The following CYRIB variants were observed in gnomAD, a reference collection of about 807,000 sequenced individuals.
CYRIB encodes CYFIP related Rac1 interactor B.
A neutral mutation model predicts 44.2 loss-of-function variants in CYRIB; 8 were observed. The ratio of observed to expected loss-of-function variants is 0.18; its 90% CI spans 0.11 to 0.33. The LOEUF is 0.33. CYRIB is among the 10% of genes least tolerant of loss of function. CYRIB has a pLI of 1.00. For missense variants in CYRIB, 185 were observed against 382.8 expected (o/e 0.48, Z 4.31); for synonymous variants, 131 against 127.2 (o/e 1.03, Z -0.20).
chr8:129,946,685 C>T (rs1402388286), intron 2 of CYRIB, among the ~76,000 whole-genome samples: 1 of 152,194 alleles, frequency 6.6e-6, no homozygotes, highest in Non-Finnish European at 1.5e-5. Flanking sequence ...TAAAGCTGTC[C>T]TTAGAGCCAT....
At chr8:129,895,376 ATATCT>A (rs1454850760) in intron 2 of CYRIB, among the ~76,000 whole-genome samples, 1 of 137,162 alleles carries the variant, frequency 7.3e-6, no homozygotes, top group African/African-American at 2.6e-5. Context: ...AGGATCTAAC[ATATCT>A]TAACTTTGTT....
intron 1 of CYRIB, among the ~76,000 whole-genome samples, chr8:129,918,801 T>C (rs949365855): frequency 1.3e-5 from 2 of 152,152 alleles, no homozygotes; most frequent in Admixed American, 1.3e-4. Flanking sequence ...ATAAGTACAT[T>C]AGAATAAATG....
In CYRIB at chr8:129,874,307, T is replaced by C. The variant is rs139223886; in HGVS notation, c.74-2811A>G. Among the ~76,000 whole-genome samples, 70 of 152,200 alleles carry C rather than the reference T, an allele frequency of 4.6e-4. No homozygotes were observed. The South Asian group carries it at 0.01, about 22-fold the overall frequency. ...TTAAGGCATGTTTCAATTGTTCTTA[T>C]TGAAGGTAAATTAAAAATTTTATTA... On this transcript the variant is annotated intron_variant, in intron 3 of 11. Coordinates refer to ENST00000519824, the Ensembl canonical transcript of CYRIB.
At chr8:129,841,962 T>C (rs1167289519) in exon 12 of CYRIB, 3 of 578,448 alleles carry the variant, frequency 5.2e-6, no homozygotes, top group East Asian at 5.6e-5. Context: ...AGTGTAACTT[T>C]ACTGATTTTG....
chr8:129,881,922 C>T (rs972103152), intron 2 of CYRIB, among the ~76,000 whole-genome samples: 1 of 152,038 alleles, frequency 6.6e-6, no homozygotes, highest in Non-Finnish European at 1.5e-5. Context: ...ATCATCACAC[C>T]CAAATAATTA....
At chr8:129,884,954 G>C (rs1395981700) in intron 2 of CYRIB, among the ~76,000 whole-genome samples, 1 of 152,212 alleles carries the variant, frequency 6.6e-6, no homozygotes, top group Non-Finnish European at 1.5e-5. Context: ...TCTGTGGAAT[G>C]TATTTTTAAG....
intron 1 of CYRIB, among the ~76,000 whole-genome samples, chr8:129,939,140 G>A (rs951232004): frequency 6.6e-6 from 1 of 152,134 alleles, no homozygotes; most frequent in African/African-American, 2.4e-5. Context: ...GGCGAGGCGA[G>A]GCGAAGCCCG....
intron 5 of CYRIB, among the ~76,000 whole-genome samples, chr8:129,860,075 A>C (rs1480403396): frequency 6.6e-6 from 1 of 152,212 alleles, no homozygotes; most frequent in Non-Finnish European, 1.5e-5. Flanking sequence ...CAGGCCAAGA[A>C]ACCTTCTCCT....
At chr8:129,991,960 A>C (rs919400894) in intron 1 of CYRIB, among the ~76,000 whole-genome samples, 1 of 148,470 alleles carries the variant, frequency 6.7e-6, no homozygotes, top group South Asian at 2.2e-4. Flanking sequence ...AAAAAAAAAA[A>C]AAAAAAAAAA....
intron 1 of CYRIB, among the ~76,000 whole-genome samples, chr8:130,014,067 C>G (rs1330935557): frequency 1.3e-5 from 2 of 152,168 alleles, no homozygotes; most frequent in Non-Finnish European, 2.9e-5. Flanking sequence ...AAGTCCTGCA[C>G]TCTCTCTAAG....
At chr8:129,963,152 A>G (rs1304508794) in intron 2 of CYRIB, among the ~76,000 whole-genome samples, 1 of 152,188 alleles carries the variant, frequency 6.6e-6, no homozygotes, top group Non-Finnish European at 1.5e-5. Flanking sequence ...TTTGGACCAC[A>G]ATCCACAAGA....
intron 1 of CYRIB, among the ~76,000 whole-genome samples, chr8:129,990,659 C>G (rs2096609149): frequency 1.3e-5 from 2 of 151,916 alleles, no homozygotes. Flanking sequence ...GTAGCTGGGA[C>G]TACAGGTATG....
exon 7 of CYRIB, chr8:129,854,292 T>C (rs1210577326): frequency 6.2e-7 from 1 of 1,611,134 alleles, no homozygotes; most frequent in Non-Finnish European, 8.5e-7. Flanking sequence ...CTCATACGAC[T>C]CAATGTTCTT....
intron 1 of CYRIB, among the ~76,000 whole-genome samples, chr8:129,983,652 A>G (rs941350941): frequency 6.6e-6 from 1 of 152,178 alleles, no homozygotes; most frequent in Admixed American, 6.5e-5. Flanking sequence ...GATCCAGGCC[A>G]GTCCCAGAGC....
At chr8:129,879,538 A>G (rs2060186276) in intron 2 of CYRIB, 67 bp from the exon 5 acceptor site, 5 of 1,158,254 alleles carry the variant, frequency 4.3e-6, no homozygotes. Context: ...AAGTTTACTT[A>G]AAGAAAAATA....
chr8:129,870,246 AC>A (rs2056562628), intron 4 of CYRIB, among the ~76,000 whole-genome samples: 2 of 152,054 alleles, frequency 1.3e-5, no homozygotes, highest in South Asian at 4.1e-4. Flanking sequence ...AACATGGCAA[AC>A]CCTGCCTCTA....
chr8:130,014,929 G>A lies in CYRIB; in HGVS notation c.-296+1441C>T, dbSNP rs1177810269. 3.3e-5 allele frequency among the ~76,000 whole-genome samples: 5 copies of A among 152,214 alleles called. No homozygotes were observed. The East Asian group carries it at 5.8e-4, about 18-fold the overall frequency. ...CCAGGCCTGGGAAACCATCCCAGACGTCAGCCCTGGCTCAGTCTTGGCTGT... is the reference window on the plus strand; with the variant it reads ...CCAGGCCTGGGAAACCATCCCAGACATCAGCCCTGGCTCAGTCTTGGCTGT... On this transcript the variant is annotated intron_variant, in intron 1 of 14. Transcript: ENST00000401979.
intron 11 of CYRIB, chr8:129,843,778 C>T (rs1158531624): frequency 6.6e-6 from 1 of 152,170 alleles, no homozygotes; most frequent in Non-Finnish European, 1.5e-5. Context: ...CTATTAGGTT[C>T]ATTTCAAATT....
chr8:129,942,404 A>G (rs978652102), upstream of CYRIB, among the ~76,000 whole-genome samples: 6 of 152,182 alleles, frequency 3.9e-5, no homozygotes, highest in African/African-American at 1.4e-4. Flanking sequence ...TCTCACATGC[A>G]CCTTTCTCCT....
Sources: allele counts gnomAD v4.1 joint callset (sites outside exome capture counted in the v4.1 genomes callset), GRCh38; gene constraint gnomAD v4.1.1; transcripts MANE v1.5; gene names NCBI Gene and HGNC (gene_info 2026-07-23, HGNC 2026-07-21).